LHFPL4: variants seen among roughly 807,000 people sequenced by gnomAD.
LHFPL4 encodes LHFPL tetraspan subfamily member 4 protein.
LHFPL4 carries 6 observed loss-of-function variants against 20.0 expected under a neutral mutation model. The ratio of observed to expected loss-of-function variants is 0.30; its 90% CI spans 0.16 to 0.59. The LOEUF is 0.59. Among genes scored for constraint, LHFPL4 ranks in the 20% least tolerant of loss-of-function variants. The probability of loss-of-function intolerance (pLI) is 0.88; values close to 1 mark genes in which losing one functional copy is unlikely to be tolerated. For missense variants in LHFPL4, 215 were observed against 331.2 expected, an observed-to-expected ratio of 0.65 and a Z score of 2.72; for synonymous variants, 129 against 143.8, an observed-to-expected ratio of 0.90 and a Z score of 0.74.
intron 2 of LHFPL4, among the ~76,000 whole-genome samples, chr3:9,510,177 T>C (rs543312616): frequency 2.2e-4 from 34 of 152,240 alleles, no homozygotes; most frequent in African/African-American, 7.9e-4. Context: ...CAGTTGGGCA[T>C]GGGTGGCTCA....
chr3:9,505,518 A>G (rs1350005810), intron 3 of LHFPL4, among the ~76,000 whole-genome samples: 1 of 151,954 alleles, frequency 6.6e-6, no homozygotes, highest in African/African-American at 2.4e-5. Flanking sequence ...CAGTGGCGCA[A>G]TCTCAGCTCA....
chr3:9,506,718 C>T lies in LHFPL4; in HGVS notation c.407-515G>A, dbSNP rs1389583930. Among the ~76,000 whole-genome samples the T allele has an allele frequency of 6.6e-6, 1 of 152,104 alleles. No individual in the cohort carries two copies. Among genetic ancestry groups the T allele is most frequent in the Admixed American group, 6.5e-5 (1 of 15,268 alleles). On this transcript the variant is annotated intron_variant, in intron 2 of 3. Coordinates refer to ENST00000287585, the MANE Select transcript of LHFPL4 (RefSeq NM_198560.3). The surrounding 1 kb of genome is among the most constrained non-coding windows in gnomAD (Gnocchi z 4.5). ...GCCTCAGCCTCCTGAGTAGCTGAGA[C>T]TACAGGTGCCTCCCACCATGTCCGG...
chr3:9,524,348 T>G (rs1053951733), intron 2 of LHFPL4, among the ~76,000 whole-genome samples: 1 of 152,126 alleles, frequency 6.6e-6, no homozygotes, highest in African/African-American at 2.4e-5. Context: ...GTTCCTTTCT[T>G]TTTTCTCTTT....
chr3:9,530,225 G>A (rs902113230), intron 2 of LHFPL4, among the ~76,000 whole-genome samples: 1 of 152,136 alleles, frequency 6.6e-6, no homozygotes, highest in Admixed American at 6.6e-5. Flanking sequence ...GACCTAGATG[G>A]CATCTTCTTC....
intron 2 of LHFPL4, among the ~76,000 whole-genome samples, chr3:9,524,517 A>C (rs2046361273): frequency 6.6e-6 from 1 of 152,046 alleles, no homozygotes; most frequent in African/African-American, 2.4e-5. Context: ...TTCTTTCCTC[A>C]GCCATGGCCA....
chr3:9,543,128 G>T (rs755910978), intron 2 of LHFPL4, among the ~76,000 whole-genome samples: 3 of 152,016 alleles, frequency 2.0e-5, no homozygotes, highest in African/African-American at 4.8e-5. Context: ...AAAGGGGGTG[G>T]GCAGTGTGGC....
At chr3:9,504,139 G>A (rs1239182895) in intron 3 of LHFPL4, among the ~76,000 whole-genome samples, 1 of 152,196 alleles carries the variant, frequency 6.6e-6, no homozygotes, top group South Asian at 2.1e-4. Flanking sequence ...GGGAAGCTGA[G>A]GCAGGCAGAT....
At chr3:9,517,796 T>G (rs2046313009) in intron 2 of LHFPL4, among the ~76,000 whole-genome samples, 1 of 125,504 alleles carries the variant, frequency 8.0e-6, no homozygotes, top group African/African-American at 2.9e-5. Context: ...AGGTTGGGTT[T>G]TTTTGTTTTT....
chr3:9,525,607 G>GT (rs1559519263), intron 2 of LHFPL4, among the ~76,000 whole-genome samples: 1 of 152,112 alleles, frequency 6.6e-6, no homozygotes, highest in Non-Finnish European at 1.5e-5. Context: ...ACTCATCTGT[G>GT]TTTTTTATAA....
chr3:9,506,472 T>C lies in LHFPL4; in HGVS notation c.407-269A>G, dbSNP rs1329858309. ...AGATCAACTCCTCCTCCAGGAAGCATTCTGGGAATATGAGAACATAGCCAC... is the reference window on the plus strand; with the variant it reads ...AGATCAACTCCTCCTCCAGGAAGCACTCTGGGAATATGAGAACATAGCCAC... On this transcript the variant is annotated intron_variant, in intron 2 of 3. Transcript: ENST00000287585. The surrounding 1 kb of genome is among the most constrained non-coding windows in gnomAD (Gnocchi z 4.5). 6.6e-6 allele frequency among the ~76,000 whole-genome samples: 1 copy of C among 152,138 alleles called. No individual in the cohort carries two copies. The highest frequency in any genetic ancestry group is 2.4e-5 in the African/African-American group (1 of 41,430).
chr3:9,500,750 A>G lies in LHFPL4; in HGVS notation c.*1461T>C, dbSNP rs545380275. 2 of 152,352 alleles carry G rather than the reference A, an allele frequency of 1.3e-5. No individual in the cohort carries two copies. The highest frequency in any genetic ancestry group is 1.9e-4 in the East Asian group (1 of 5,166). The allele number at this position is 152,352 out of a possible 1,614,324, so 9.4% of individuals were successfully genotyped here. On this transcript the variant is annotated 3_prime_UTR_variant, in exon 4 of 4. Transcript: ENST00000287585. The stretch of plus-strand genomic sequence containing the variant: ...ACGAAGCCGGTCTGCACCAGCAACT[A>G]GTGCTGAGGGAGCTGTCCAGGCCCC...
At chr3:9,508,184 C>A (rs1049371844) in intron 2 of LHFPL4, among the ~76,000 whole-genome samples, 23 of 152,196 alleles carry the variant, frequency 1.5e-4, no homozygotes, top group Admixed American at 5.9e-4. Flanking sequence ...TGCTCCCAGG[C>A]CCCAGCCTCT....
chr3:9,534,929 T>C (rs2046436011), intron 2 of LHFPL4, among the ~76,000 whole-genome samples: 1 of 151,938 alleles, frequency 6.6e-6, no homozygotes, highest in African/African-American at 2.4e-5. Flanking sequence ...CACGTTGCTG[T>C]TTATAAAAGA....
chr3:9,509,245 C>CT (rs1355409861), intron 2 of LHFPL4, among the ~76,000 whole-genome samples: 1 of 146,940 alleles, frequency 6.8e-6, no homozygotes, highest in African/African-American at 2.5e-5. Context: ...CTTCGCACCC[C>CT]CCTCTCTCTC....
At chr3:9,511,117 C>T (rs142258249) in intron 2 of LHFPL4, among the ~76,000 whole-genome samples, 152 of 151,000 alleles carry the variant, frequency 1.0e-3, no homozygotes, top group African/African-American at 3.4e-3. Flanking sequence ...TTTGGGAGGC[C>T]GAGGCAGGTG....
chr3:9,512,732 A>C (rs565544551), intron 2 of LHFPL4, among the ~76,000 whole-genome samples: 2 of 152,312 alleles, frequency 1.3e-5, no homozygotes, highest in South Asian at 4.1e-4. Context: ...CAGATTCATA[A>C]GGATGCTACC....
At chr3:9,523,618 G>A (rs2046354940) in intron 2 of LHFPL4, among the ~76,000 whole-genome samples, 2 of 151,720 alleles carry the variant, frequency 1.3e-5, no homozygotes, top group South Asian at 2.1e-4. Context: ...GATTACAGGC[G>A]TGTGCCACCA....
At chr3:9,519,307 T>C (rs941510721) in intron 2 of LHFPL4, among the ~76,000 whole-genome samples, 5 of 152,020 alleles carry the variant, frequency 3.3e-5, no homozygotes, top group African/African-American at 9.7e-5. Flanking sequence ...ACTCCTGACC[T>C]TAGGTGATCC....
intron 2 of LHFPL4, among the ~76,000 whole-genome samples, chr3:9,511,299 G>C (rs912495410): frequency 6.6e-6 from 1 of 151,466 alleles, no homozygotes; most frequent in Admixed American, 6.6e-5. Flanking sequence ...TGCAGTGAGC[G>C]GGGATCATGC....
Sources: allele counts gnomAD v4.1 joint callset (sites outside exome capture counted in the v4.1 genomes callset), GRCh38; gene constraint gnomAD v4.1.1; non-coding constraint Gnocchi (gnomAD v3.1); transcripts MANE v1.5; gene names NCBI Gene and HGNC (gene_info 2026-07-23, HGNC 2026-07-21).